The following SETBP1 variants were observed in gnomAD, a reference collection of about 807,000 sequenced individuals.
SETBP1 encodes SET-binding protein.
A neutral mutation model predicts 101.0 loss-of-function variants in SETBP1; 9 were observed. The observed-to-expected ratio is 0.09, with a 90% confidence interval of 0.05 to 0.16. The LOEUF (loss-of-function observed/expected upper bound fraction) is 0.16. SETBP1 is among the 10% of genes least tolerant of loss of function. SETBP1 has a pLI of 1.00. For missense variants in SETBP1, 1,858 were observed against 2,033.8 expected (o/e 0.91, Z 1.66); for synonymous variants, 818 against 788.5 (o/e 1.04, Z -0.63).
At chr18:44,681,311 T>C (rs1228729388) in intron 1 of SETBP1, among the ~76,000 whole-genome samples, 1 of 152,168 alleles carries the variant, frequency 6.6e-6, no homozygotes, top group Non-Finnish European at 1.5e-5. Context: ...TCCAAACCAT[T>C]ATCTCTTTGA....
chr18:44,852,626 C>A (rs1359317848), intron 2 of SETBP1, among the ~76,000 whole-genome samples: 1 of 152,122 alleles, frequency 6.6e-6, no homozygotes, highest in African/African-American at 2.4e-5. Flanking sequence ...ATTTTATTTT[C>A]CCCCAAATCC....
chr18:44,710,472 G>A (rs1304267555), intron 2 of SETBP1, among the ~76,000 whole-genome samples: 2 of 95,654 alleles, frequency 2.1e-5, no homozygotes, highest in Non-Finnish European at 4.0e-5. Flanking sequence ...TTTTTTTTGA[G>A]ATGGAGTCTC....
chr18:44,920,054 G>A (rs1232324203), intron 3 of SETBP1, among the ~76,000 whole-genome samples: 1 of 152,124 alleles, frequency 6.6e-6, no homozygotes, highest in East Asian at 1.9e-4. Context: ...TAATTTATAA[G>A]GAACAGAAAT....
intron 2 of SETBP1, among the ~76,000 whole-genome samples, chr18:44,864,499 G>C (rs150634277): frequency 1.5e-4 from 23 of 152,180 alleles, no homozygotes; most frequent in African/African-American, 5.1e-4. Flanking sequence ...AGAAACTGCA[G>C]CTCCTCAACA....
At chr18:44,860,120 C>G (rs2068970382) in intron 2 of SETBP1, among the ~76,000 whole-genome samples, 1 of 152,132 alleles carries the variant, frequency 6.6e-6, no homozygotes, top group South Asian at 2.1e-4. Context: ...CATCTTGGGC[C>G]AAGTGAGCAG....
intron 4 of SETBP1, among the ~76,000 whole-genome samples, chr18:45,029,254 T>C (rs1391502618): frequency 6.6e-6 from 1 of 152,132 alleles, no homozygotes; most frequent in African/African-American, 2.4e-5. Context: ...CCCAGCACCA[T>C]TTATTAAATA....
chr18:45,025,890 A>T (rs2073155447), intron 4 of SETBP1, among the ~76,000 whole-genome samples: 1 of 152,230 alleles, frequency 6.6e-6, no homozygotes, highest in Non-Finnish European at 1.5e-5. Flanking sequence ...TTCGCAAGCC[A>T]GTAAATGTGC....
At chr18:44,941,495 G>T (rs1393879187) in intron 3 of SETBP1, among the ~76,000 whole-genome samples, 2 of 152,070 alleles carry the variant, frequency 1.3e-5, no homozygotes, top group Middle Eastern at 3.4e-3. Context: ...GTTTTCATGG[G>T]TGTTTTTATT....
chr18:44,798,629 C>T (rs182797164), intron 2 of SETBP1, among the ~76,000 whole-genome samples: 1 of 152,160 alleles, frequency 6.6e-6, no homozygotes, highest in African/African-American at 2.4e-5. Flanking sequence ...TTTCCGGCAA[C>T]AGGGGCTTTC....
intron 2 of SETBP1, among the ~76,000 whole-genome samples, chr18:44,708,451 A>C (rs1481969361): frequency 2.6e-5 from 4 of 152,206 alleles, no homozygotes; most frequent in Non-Finnish European, 4.4e-5. Flanking sequence ...GAGATTTAAA[A>C]ACATTTTTAA....
intron 1 of SETBP1, among the ~76,000 whole-genome samples, chr18:44,694,829 T>G (rs2068988748): frequency 6.6e-6 from 1 of 151,926 alleles, no homozygotes; most frequent in African/African-American, 2.4e-5. Context: ...AGGAACAATA[T>G]CAGGAAAATT....
At chr18:45,039,184 G>C (rs16978256) in intron 5 of SETBP1, among the ~76,000 whole-genome samples, 1 of 151,984 alleles carries the variant, frequency 6.6e-6, no homozygotes, top group Non-Finnish European at 1.5e-5. Context: ...TGATGCATCG[G>C]TACCTTCTAC....
At chr18:44,692,791 G>C (rs2068956255) in intron 1 of SETBP1, among the ~76,000 whole-genome samples, 1 of 152,186 alleles carries the variant, frequency 6.6e-6, no homozygotes, top group African/African-American at 2.4e-5. Flanking sequence ...ACCAAGTAGA[G>C]AAAGGAGAAA....
chr18:44,800,385 TTATAATTC>T (rs1312119602), intron 2 of SETBP1, among the ~76,000 whole-genome samples: 2 of 152,166 alleles, frequency 1.3e-5, no homozygotes, highest in Non-Finnish European at 2.9e-5. Flanking sequence ...GGGATTCTGT[TTATAATTC>T]TTGAAGGATA....
intron 1 of SETBP1, among the ~76,000 whole-genome samples, chr18:44,695,698 T>C (rs1413417430): frequency 6.6e-6 from 1 of 152,216 alleles, no homozygotes; most frequent in African/African-American, 2.4e-5. Flanking sequence ...CGAGTACTCT[T>C]CCTGTGTTTG....
intron 4 of SETBP1, among the ~76,000 whole-genome samples, chr18:44,963,000 T>C (rs184702925): frequency 9.8e-5 from 15 of 152,328 alleles, no homozygotes; most frequent in Non-Finnish European, 2.1e-4. Flanking sequence ...TTTCATTTGA[T>C]CTTCAAAATC....
intron 4 of SETBP1, among the ~76,000 whole-genome samples, chr18:45,013,531 C>T (rs2072882829): frequency 6.6e-6 from 1 of 152,032 alleles, no homozygotes; most frequent in African/African-American, 2.4e-5. Context: ...CTTCTGCCTC[C>T]CGGGTTCAAG....
chr18:44,717,177 C>A (rs560397394), intron 2 of SETBP1, among the ~76,000 whole-genome samples: 3 of 152,204 alleles, frequency 2.0e-5, no homozygotes, highest in Non-Finnish European at 2.9e-5. Flanking sequence ...GCTCCTCATG[C>A]GGTGCTCAGG....
intron 3 of SETBP1, among the ~76,000 whole-genome samples, chr18:44,903,290 C>T (rs1397901566): frequency 6.6e-6 from 1 of 152,200 alleles, no homozygotes; most frequent in African/African-American, 2.4e-5. Context: ...GCCTCTCCAA[C>T]ATGCATACAC....
Sources: allele counts gnomAD v4.1 joint callset (sites outside exome capture counted in the v4.1 genomes callset), GRCh38; gene constraint gnomAD v4.1.1; transcripts MANE v1.5; gene names NCBI Gene and HGNC (gene_info 2026-07-23, HGNC 2026-07-21).